The following THRB variants were observed in gnomAD, a reference collection of about 807,000 sequenced individuals.
The protein encoded by THRB is nuclear receptor subfamily 1 group A member 2.
Under a neutral mutation model 47.8 loss-of-function variants are expected in THRB, and 12 were observed. That is an observed-to-expected ratio of 0.25 (90% CI 0.16 to 0.41). The LOEUF (loss-of-function observed/expected upper bound fraction) is 0.41. Among genes scored for constraint, THRB ranks in the 10% least tolerant of loss-of-function variants. The pLI is 1.00. For missense variants in THRB, 348 were observed against 589.2 expected, an observed-to-expected ratio of 0.59 and a Z score of 4.24; for synonymous variants, 218 against 212.2, an observed-to-expected ratio of 1.03 and a Z score of -0.24.
chr3:24,192,642 T>C (rs1239968548), intron 4 of THRB, among the ~76,000 whole-genome samples: 2 of 152,130 alleles, frequency 1.3e-5, no homozygotes, highest in African/African-American at 4.8e-5. Flanking sequence ...CAAGAGGACA[T>C]TGCCCCTTAA....
intron 4 of THRB, among the ~76,000 whole-genome samples, chr3:24,205,748 G>A (rs2045262543): frequency 1.3e-5 from 2 of 152,136 alleles, no homozygotes; most frequent in Non-Finnish European, 2.9e-5. Context: ...GCTGTATTCA[G>A]GAAACCCATC....
At chr3:24,426,329 G>C (rs535518475) in intron 1 of THRB, among the ~76,000 whole-genome samples, 2 of 151,914 alleles carry the variant, frequency 1.3e-5, no homozygotes, top group South Asian at 4.1e-4. Context: ...CCACAATATT[G>C]GTAGTTATAT....
Position 24,190,130 on chromosome 3 carries a change from T to C in THRB, c.227A>G (p.Asn76Ser). 4 of 1,614,100 alleles carry C rather than the reference T, an allele frequency of 2.5e-6. No homozygotes were observed. In the African/African-American group the frequency reaches 5.3e-5, roughly 22 times the overall value. ...SIFHLDHDDVNDQSVSSAQTF... is the reference protein window; with the variant it reads ...SIFHLDHDDVSDQSVSSAQTF... ...CTGGGCACTTGAGACACTCTGGTCG[T>C]TCACATCATCATGGTCCAGATGGAA... The change falls in exon 5 of 11, where the codon AAC becomes AGC. Residue 76 changes from asparagine to serine, a missense_variant. Asn to Ser is a conservative substitution (Grantham distance 46). Around this residue, in one of 5 missense-constraint regions of THRB, gnomAD observed 148 missense variants for 122.3 expected, o/e 1.21. Transcript: ENST00000646209.
In THRB at chr3:24,334,986, T is replaced by C. The variant is rs1231005949; in HGVS notation, c.-189+2314A>G. On this transcript the variant is annotated intron_variant, in intron 2 of 10. Transcript: ENST00000646209. Reference sequence around the variant, plus strand: ...TGTTTCTCACTTACGGAATTCTTTATATACATGGAAATGGATAGAGAAGCC... The same window carrying C: ...TGTTTCTCACTTACGGAATTCTTTACATACATGGAAATGGATAGAGAAGCC... Among the ~76,000 whole-genome samples, 4 of 152,200 alleles carry C rather than the reference T, an allele frequency of 2.6e-5. No homozygotes were observed. The East Asian group carries it at 7.7e-4, about 29-fold the overall frequency.
At chr3:24,294,283 C>T (rs773002507) in intron 3 of THRB, among the ~76,000 whole-genome samples, 1 of 152,142 alleles carries the variant, frequency 6.6e-6, no homozygotes, top group Non-Finnish European at 1.5e-5. Flanking sequence ...GTTGTAGCTC[C>T]AGCAGATGCC....
chr3:24,409,649 G>T (rs1173036863), intron 1 of THRB, among the ~76,000 whole-genome samples: 10 of 151,804 alleles, frequency 6.6e-5, no homozygotes, highest in Non-Finnish European at 1.5e-4. Context: ...CACAGTGCCT[G>T]ACACACAGAA....
At chr3:24,333,190 A>G (rs1333019978) in intron 2 of THRB, among the ~76,000 whole-genome samples, 1 of 152,152 alleles carries the variant, frequency 6.6e-6, no homozygotes, top group East Asian at 1.9e-4. Flanking sequence ...GGTGGATGAA[A>G]ATGCATACTG....
chr3:24,358,088 T>C (rs1057490005), intron 1 of THRB, among the ~76,000 whole-genome samples: 3 of 152,186 alleles, frequency 2.0e-5, no homozygotes, highest in African/African-American at 7.2e-5. Flanking sequence ...TCCTGGTAGA[T>C]GTTTAATAAA....
chr3:24,347,163 C>A (rs1033899726), intron 1 of THRB, among the ~76,000 whole-genome samples: 10 of 151,850 alleles, frequency 6.6e-5, no homozygotes, highest in African/African-American at 2.4e-4. Context: ...AAAGATTAAG[C>A]ACAATGGAAA....
chr3:24,399,738 C>T (rs1577323413), intron 1 of THRB, among the ~76,000 whole-genome samples: 1 of 152,074 alleles, frequency 6.6e-6, no homozygotes, highest in East Asian at 1.9e-4. Context: ...TAGAAACAAA[C>T]ACCCAGAGAA....
At chr3:24,176,049 ATCACT>A (rs1258777428) in intron 5 of THRB, among the ~76,000 whole-genome samples, 2 of 152,162 alleles carry the variant, frequency 1.3e-5, no homozygotes, top group Non-Finnish European at 2.9e-5. Context: ...AAATTCTAAG[ATCACT>A]TCAATGATTT....
chr3:24,265,073 G>A (rs2052509345), intron 3 of THRB, among the ~76,000 whole-genome samples: 1 of 152,094 alleles, frequency 6.6e-6, no homozygotes, highest in Admixed American at 6.5e-5. Flanking sequence ...ACTGACCTTT[G>A]GATAAAAAAG....
intron 1 of THRB, among the ~76,000 whole-genome samples, chr3:24,450,590 C>T (rs2072552086): frequency 6.6e-6 from 1 of 152,124 alleles, no homozygotes; most frequent in South Asian, 2.1e-4. Context: ...ACTTACTGTT[C>T]CTAAAAACTC....
intron 1 of THRB, among the ~76,000 whole-genome samples, chr3:24,385,194 A>G (rs1263467723): frequency 5.3e-5 from 8 of 152,130 alleles, no homozygotes; most frequent in Non-Finnish European, 1.0e-4. Context: ...GGGCCCCATT[A>G]ATAGCAGCAG....
At chr3:24,125,348 T>C (rs189043810) in intron 10 of THRB, among the ~76,000 whole-genome samples, 199 of 152,296 alleles carry the variant, frequency 1.3e-3, no homozygotes, top group Non-Finnish European at 2.3e-3. Flanking sequence ...ATCTCTCTCC[T>C]TGCCTTATTT....
At chr3:24,453,170 G>C (rs1460759504) in intron 1 of THRB, among the ~76,000 whole-genome samples, 1 of 152,212 alleles carries the variant, frequency 6.6e-6, no homozygotes, top group Non-Finnish European at 1.5e-5. Flanking sequence ...ACCAACTCTT[G>C]TCTATTTCAG....
chr3:24,465,825 G>T (rs2074101246), intron 1 of THRB, among the ~76,000 whole-genome samples: 1 of 152,046 alleles, frequency 6.6e-6, no homozygotes, highest in Admixed American at 6.6e-5. Context: ...TCTTTAAACA[G>T]ACTTTAAAAA....
chr3:24,117,362 T>C lies in THRB; in HGVS notation c.*5522A>G, dbSNP rs1460994760. 1.3e-5 allele frequency: 2 copies of C among 152,258 alleles called. No individual in the cohort carries two copies. The highest frequency in any genetic ancestry group is 6.5e-5 in the Admixed American group (1 of 15,288). 9.4% of individuals were successfully genotyped at this position (152,258 alleles called of 1,614,324 possible). ...TTAGAATTTTCTTTCAGGAATCATC[T>C]TGCCTCAACTCTCAGTCCATAGTTT... On this transcript the variant is annotated 3_prime_UTR_variant, in exon 11 of 11. Coordinates refer to ENST00000646209, the MANE Select transcript of THRB (RefSeq NM_001354712.2).
intron 2 of THRB, among the ~76,000 whole-genome samples, chr3:24,335,219 G>A (rs1020505091): frequency 5.9e-5 from 9 of 152,150 alleles, no homozygotes; most frequent in South Asian, 2.1e-4. Context: ...TGTGGTCAGC[G>A]GAATCAAATA....
Sources: allele counts gnomAD v4.1 joint callset (sites outside exome capture counted in the v4.1 genomes callset), GRCh38; gene constraint gnomAD v4.1.1; regional missense constraint gnomAD v4.1.1; transcripts MANE v1.5; gene names NCBI Gene and HGNC (gene_info 2026-07-23, HGNC 2026-07-21).